HS6ST3: variants seen among roughly 807,000 people sequenced by gnomAD.
The protein encoded by HS6ST3 is heparan sulfate 6-O-sulfotransferase 3.
In HS6ST3, 12 loss-of-function variants were observed where a neutral mutation model predicts 36.7. The observed-to-expected ratio is 0.33, with a 90% CI of 0.21 to 0.53. The LOEUF (loss-of-function observed/expected upper bound fraction) is 0.53. HS6ST3 is among the 20% of genes least tolerant of loss of function. The probability of loss-of-function intolerance (pLI) is 0.95; values close to 1 mark genes in which losing one functional copy is unlikely to be tolerated. For synonymous variants in HS6ST3, 240 were observed against 257.5 expected, an observed-to-expected ratio of 0.93 and a Z score of 0.65; for missense variants, 584 against 640.9, an observed-to-expected ratio of 0.91 and a Z score of 0.96.
intron 1 of HS6ST3, among the ~76,000 whole-genome samples, chr13:96,778,140 G>A (rs1029352358): frequency 6.6e-6 from 1 of 152,080 alleles, no homozygotes. Flanking sequence ...ACTGAAATTC[G>A]ACCCCTTCCT....
chr13:96,097,229 A>G (rs554236664), intron 1 of HS6ST3, among the ~76,000 whole-genome samples: 1 of 152,278 alleles, frequency 6.6e-6, no homozygotes, highest in South Asian at 2.1e-4. Flanking sequence ...TGTTTTCATA[A>G]TAGAAGTGAG....
intron 1 of HS6ST3, among the ~76,000 whole-genome samples, chr13:96,698,497 T>G (rs1286437229): frequency 6.6e-6 from 1 of 152,100 alleles, no homozygotes; most frequent in Non-Finnish European, 1.5e-5. Flanking sequence ...ATGAGTGAAC[T>G]CCCATTCACA....
chr13:96,516,953 T>C (rs925967598), intron 1 of HS6ST3, among the ~76,000 whole-genome samples: 2 of 152,226 alleles, frequency 1.3e-5, no homozygotes, highest in African/African-American at 4.8e-5. Flanking sequence ...ATATTTCTTA[T>C]TCTTCTACAA....
At chr13:96,770,130 T>A (rs2138506598) in intron 1 of HS6ST3, among the ~76,000 whole-genome samples, 1 of 152,312 alleles carries the variant, frequency 6.6e-6, no homozygotes, top group Middle Eastern at 3.4e-3. Flanking sequence ...TCTCATTAAC[T>A]CTCAGCTTGT....
At chr13:96,662,212 C>A (rs1260017891) in intron 1 of HS6ST3, among the ~76,000 whole-genome samples, 2 of 152,118 alleles carry the variant, frequency 1.3e-5, no homozygotes, top group Non-Finnish European at 2.9e-5. Flanking sequence ...CCTTTTTCTT[C>A]TTCTGTCTCA....
At chr13:96,094,389 T>A (rs2053779969) in intron 1 of HS6ST3, among the ~76,000 whole-genome samples, 1 of 152,190 alleles carries the variant, frequency 6.6e-6, no homozygotes, top group African/African-American at 2.4e-5. Context: ...TAAAAAACCA[T>A]GAGGTCCGTT....
intron 1 of HS6ST3, among the ~76,000 whole-genome samples, chr13:96,613,066 T>G (rs1196472446): frequency 1.3e-5 from 2 of 152,202 alleles, no homozygotes; most frequent in Non-Finnish European, 2.9e-5. Flanking sequence ...AGAGACCACC[T>G]TAAGTAAAAC....
intron 1 of HS6ST3, among the ~76,000 whole-genome samples, chr13:96,391,990 A>C (rs993364562): frequency 6.6e-6 from 1 of 152,216 alleles, no homozygotes; most frequent in Admixed American, 6.5e-5. Flanking sequence ...ATGTTGAACA[A>C]ATGTTTAGAT....
intron 1 of HS6ST3, among the ~76,000 whole-genome samples, chr13:96,763,724 C>T (rs1877027220): frequency 6.6e-6 from 1 of 151,928 alleles, no homozygotes; most frequent in Non-Finnish European, 1.5e-5. Flanking sequence ...TGGTGCCTAC[C>T]TCATAATGTT....
At position 96,576,677 on chromosome 13, in the gene HS6ST3, C is replaced by T. The variant is rs368256544; in HGVS notation, c.708-255813C>T. Among the ~76,000 whole-genome samples the T allele has an allele frequency of 4.9e-4, 75 of 152,182 alleles. 1 individual carries two copies. Among genetic ancestry groups the T allele is most frequent in the African/African-American group, 1.8e-3 (75 of 41,516 alleles). On this transcript the variant is annotated intron_variant, in intron 1 of 1. Coordinates refer to ENST00000376705, the MANE Select transcript of HS6ST3 (RefSeq NM_153456.4). Reference sequence around the variant, plus strand: ...AAATGTTGGGCCAGGTTCAGTGGCTCATGCCTGTAATCCCAGCACTTTGGG... The same window carrying T: ...AAATGTTGGGCCAGGTTCAGTGGCTTATGCCTGTAATCCCAGCACTTTGGG...
intron 1 of HS6ST3, among the ~76,000 whole-genome samples, chr13:96,118,214 G>T (rs1348747926): frequency 3.9e-5 from 6 of 152,112 alleles, no homozygotes; most frequent in Admixed American, 1.3e-4. Flanking sequence ...GAAAAAATAA[G>T]TAAGGCTAAA....
intron 1 of HS6ST3, among the ~76,000 whole-genome samples, chr13:96,717,431 A>G (rs1160536464): frequency 6.6e-6 from 1 of 152,182 alleles, no homozygotes; most frequent in African/African-American, 2.4e-5. Context: ...GTCTTTTTCC[A>G]GTTCATTGTC....
intron 1 of HS6ST3, among the ~76,000 whole-genome samples, chr13:96,236,689 A>G (rs1188720922): frequency 1.3e-5 from 2 of 152,180 alleles, no homozygotes; most frequent in Non-Finnish European, 2.9e-5. Context: ...AGGTGCCAAG[A>G]TTTAATTTTA....
At chr13:96,764,660 C>T (rs2138502514) in intron 1 of HS6ST3, among the ~76,000 whole-genome samples, 1 of 152,300 alleles carries the variant, frequency 6.6e-6, no homozygotes, top group South Asian at 2.1e-4. Context: ...ACCTTTCCTT[C>T]ACACTTTCTG....
intron 1 of HS6ST3, among the ~76,000 whole-genome samples, chr13:96,542,837 A>G (rs1459511264): frequency 6.6e-6 from 1 of 152,114 alleles, no homozygotes; most frequent in Admixed American, 6.5e-5. Flanking sequence ...GTTCTGCCCC[A>G]TCTCAGTCCA....
chr13:96,210,812 G>A (rs2054395344), intron 1 of HS6ST3, among the ~76,000 whole-genome samples: 1 of 150,712 alleles, frequency 6.6e-6, no homozygotes, highest in African/African-American at 2.4e-5. Context: ...CAGGCTGGTC[G>A]CAAACTCCTG....
chr13:96,267,301 A>G (rs1219727603), intron 1 of HS6ST3, among the ~76,000 whole-genome samples: 2 of 152,204 alleles, frequency 1.3e-5, no homozygotes, highest in Non-Finnish European at 1.5e-5. Context: ...GAATGGACTA[A>G]CACAATTGGC....
At chr13:96,683,935 G>A (rs988803253) in intron 1 of HS6ST3, among the ~76,000 whole-genome samples, 4 of 152,038 alleles carry the variant, frequency 2.6e-5, no homozygotes, top group Admixed American at 2.6e-4. Flanking sequence ...AAATTACTCT[G>A]CATACTTTTC....
chr13:96,798,741 CAT>C (rs755694217), intron 1 of HS6ST3, among the ~76,000 whole-genome samples: 130 of 152,106 alleles, frequency 8.5e-4, no homozygotes, highest in African/African-American at 2.9e-3. Context: ...TGTGTGTCTC[CAT>C]GTGTGTGTAA....
Sources: allele counts gnomAD v4.1 joint callset (sites outside exome capture counted in the v4.1 genomes callset), GRCh38; gene constraint gnomAD v4.1.1; transcripts MANE v1.5; gene names NCBI Gene and HGNC (gene_info 2026-07-23, HGNC 2026-07-21).